CD1C: variants seen among roughly 807,000 people sequenced by gnomAD.
CD1C encodes the protein CD1c molecule.
CD1C carries 47 observed loss-of-function variants against 39.4 expected under a neutral mutation model. The ratio of observed to expected loss-of-function variants is 1.19; its 90% CI spans 0.94 to 1.52. CD1C has a LOEUF of 1.52. Ranked by LOEUF, CD1C falls within the 40% of genes most tolerant of loss-of-function variation. The pLI, the probability that CD1C is intolerant of heterozygous loss-of-function variation, is 0.00. For missense variants in CD1C, 417 were observed against 395.2 expected (o/e 1.06, Z -0.47); for synonymous variants, 165 against 150.8 (o/e 1.09, Z -0.69).
Position 158,294,246 on chromosome 1 carries a change from G to C in CD1C, c.*770G>C, listed in dbSNP as rs555856405. On this transcript the variant is annotated 3_prime_UTR_variant, in exon 6 of 6. Coordinates refer to ENST00000368170, the MANE Select transcript of CD1C (RefSeq NM_001765.3). Reference sequence around the variant, plus strand: ...TTGGAGTGGGATCAAGGCAACCGTTGTGCTGTATATGGAAGACAAATTTCC... The same window carrying C: ...TTGGAGTGGGATCAAGGCAACCGTTCTGCTGTATATGGAAGACAAATTTCC... Among the ~76,000 whole-genome samples the C allele has an allele frequency of 8.5e-5, 13 of 152,322 alleles. No individual in the cohort carries two copies. Among genetic ancestry groups the C allele is most frequent in the Non-Finnish European group, 1.5e-5 (1 of 68,036 alleles).
Position 158,293,298 on chromosome 1 carries a change from C to G in CD1C, c.976C>G (p.His326Asp). 1 of 1,613,062 alleles carries G rather than the reference C, an allele frequency of 6.2e-7. No individual in the cohort carries two copies. The highest frequency in any genetic ancestry group is 8.5e-7 in the Non-Finnish European group (1 of 1,179,184). Residue 326 changes from histidine (H) to aspartate (D), a missense_variant, in exon 5 of 6, where the codon CAC becomes GAC. Coordinates refer to ENST00000368170, the MANE Select transcript of CD1C (RefSeq NM_001765.3). ...LIVLVLWFKK[H>D]CSYQDIL is the part of the protein sequence containing the mutation. ...AGTCCTTGTGTTATGGTTTAAGAAG[C>G]ACTGGTGAGTTTTTTGTATTTCCTC... is the stretch of plus-strand genomic sequence containing the variant.
Position 158,292,314 on chromosome 1 carries a change from C to G in CD1C, c.559C>G (p.Arg187Gly), listed in dbSNP as rs139538152. The G allele has an allele frequency of 4.3e-6, 7 of 1,614,158 alleles. No individual in the cohort carries two copies. The highest frequency in any genetic ancestry group is 5.9e-6 in the Non-Finnish European group (7 of 1,180,020). Residue 187 changes from arginine (R) to glycine (G), a missense_variant, in exon 3 of 6, where the codon CGA becomes GGA. Coordinates refer to ENST00000368170, the MANE Select transcript of CD1C (RefSeq NM_001765.3). ...VYNLIRSTCP[R>G]FLLGLLDAGK... is the part of the protein sequence containing the mutation. ...TAATCTCATAAGAAGCACTTGCCCC[C>G]GATTTCTCTTGGGTCTCCTGGATGC... is the stretch of plus-strand genomic sequence containing the variant.
rs1192352033 is a variant in CD1C, at chr1:158,294,654, G to A, written c.*1178G>A. Among the ~76,000 whole-genome samples, 1 of 152,082 alleles carries A rather than the reference G, an allele frequency of 6.6e-6. No homozygotes were observed. Among genetic ancestry groups the A allele is most frequent in the Non-Finnish European group, 1.5e-5 (1 of 68,014 alleles). On this transcript the variant is annotated 3_prime_UTR_variant, in exon 6 of 6. Transcript: ENST00000368170. The stretch of plus-strand genomic sequence containing the variant: ...ATGTCATAACCCCTCATACCTGTTT[G>A]TAGTCAAGCACACCAACAACCTGGC...
At position 158,293,911 on chromosome 1, in the gene CD1C, C is replaced by G. The variant is rs1651144439; in HGVS notation, c.*435C>G. 6.6e-6 allele frequency among the ~76,000 whole-genome samples: 1 copy of G among 152,226 alleles called. No individual in the cohort carries two copies. Among genetic ancestry groups the G allele is most frequent in the Admixed American group, 6.5e-5 (1 of 15,280 alleles). On this transcript the variant is annotated 3_prime_UTR_variant, in exon 6 of 6. Transcript: ENST00000368170. ...AAACATCATATCTAAGTTGGATTAA[C>G]TGTCATGTTGACAATTTTTCTCATT... is the stretch of plus-strand genomic sequence containing the variant.
chr1:158,291,067 C>A (rs1651017125), intron 1 of CD1C, 67 bp from the exon 2 acceptor site: 5 of 1,495,638 alleles, frequency 3.3e-6, no homozygotes, highest in South Asian at 1.3e-5. Flanking sequence ...CTTCCATTTT[C>A]TCTCCATTTT....
chr1:158,292,936 A>G (rs1651103076), intron 4 of CD1C, 62 bp downstream of exon 4: 1 of 1,538,710 alleles, frequency 6.5e-7, no homozygotes, highest in South Asian at 1.2e-5. Context: ...AGGGGAGAGG[A>G]AATTTTGAGG....
rs1361699005 is a variant in CD1C at position 158,292,715 on chromosome 1, C to G, written c.730C>G (p.Gln244Glu). ...PVWVTWMRNE[Q>E]EQLGTKHGDI... ...TTGGGTGACATGGATGCGGAATGAA[C>G]AGGAGCAACTGGGCACTAAACATGG... is the stretch of plus-strand genomic sequence containing the variant. Residue 244 changes from glutamine (Q) to glutamate (E), a missense_variant, in exon 4 of 6, where the codon CAG (glutamine) becomes GAG (glutamate). Transcript: ENST00000368170. The G allele has an allele frequency of 6.2e-6, 10 of 1,614,190 alleles. No individual in the cohort carries two copies. Among genetic ancestry groups the G allele is most frequent in the Non-Finnish European group, 8.5e-6 (10 of 1,180,036 alleles).
In CD1C at chr1:158,293,587, G is replaced by A; in HGVS notation, c.*111G>A. On this transcript the variant is annotated 3_prime_UTR_variant, in exon 6 of 6. Transcript: ENST00000368170. ...CTCCATTTAAATTGTTTCTCTTTCT[G>A]CATAATAAACATTTGTTAATAAAAA... The A allele has an allele frequency of 6.2e-7, 1 of 1,612,316 alleles. No homozygotes were observed. Among genetic ancestry groups the A allele is most frequent in the Non-Finnish European group, 8.5e-7 (1 of 1,179,180 alleles).
In CD1C at chr1:158,294,131, CAGAG is replaced by C. The variant is rs1189969623; in HGVS notation, c.*658_*661del. On this transcript the variant is annotated 3_prime_UTR_variant, in exon 6 of 6. Coordinates refer to ENST00000368170, the MANE Select transcript of CD1C (RefSeq NM_001765.3). ...ACAGAGAATTACAAATGCAAATAGA[CAGAG>C]AGTGTGCAAGTTACATGTGATGATC... Among the ~76,000 whole-genome samples, 3 of 152,114 alleles carry C rather than the reference CAGAG, an allele frequency of 2.0e-5. No homozygotes were observed. The highest frequency in any genetic ancestry group is 4.4e-5 in the Non-Finnish European group (3 of 68,030).
Position 158,293,934 on chromosome 1 carries a change from A to G in CD1C, c.*458A>G, listed in dbSNP as rs1651145278. Among the ~76,000 whole-genome samples, 1 of 152,198 alleles carries G rather than the reference A, an allele frequency of 6.6e-6. No homozygotes were observed. The highest frequency in any genetic ancestry group is 6.5e-5 in the Admixed American group (1 of 15,280). ...AACTGTCATGTTGACAATTTTTCTC[A>G]TTATATTCCTTCCCAATGTTGTTGT... On this transcript the variant is annotated 3_prime_UTR_variant, in exon 6 of 6. Coordinates refer to ENST00000368170, the MANE Select transcript of CD1C (RefSeq NM_001765.3).
At chr1:158,292,414 C>T (rs764939458) in intron 3 of CD1C, 49 bp downstream of exon 3, 1 of 1,565,512 alleles carries the variant, frequency 6.4e-7, no homozygotes, top group East Asian at 2.2e-5. Context: ...TCAAGTACTG[C>T]CCCTTCTGTT....
In CD1C at chr1:158,292,656, T is replaced by C. The variant is rs777648298; in HGVS notation, c.671T>C (p.Val224Ala). The C allele has an allele frequency of 1.9e-6, 3 of 1,613,666 alleles. No homozygotes were observed. Among genetic ancestry groups the C allele is most frequent in the Non-Finnish European group, 8.5e-7 (1 of 1,179,994 alleles). ...CTTGGGTCTGGCCAGCTGTTGCTGG[T>C]TTGTCATGCCTCCGGCTTCTACCCA... ...PSLGSGQLLL[V>A]CHASGFYPKP... is the part of the protein sequence containing the mutation. The change falls in exon 4 of 6, where the codon GTT (valine) becomes GCT (alanine). Residue 224 changes from valine (V) to alanine (A), a missense_variant. Coordinates refer to ENST00000368170, the MANE Select transcript of CD1C (RefSeq NM_001765.3).
At position 158,294,073 on chromosome 1, in the gene CD1C, AGC is replaced by A. The variant is rs1651151672; in HGVS notation, c.*598_*599del. Among the ~76,000 whole-genome samples the A allele has an allele frequency of 6.6e-6, 1 of 152,228 alleles. No homozygotes were observed. The highest frequency in any genetic ancestry group is 6.5e-5 in the Admixed American group (1 of 15,284). On this transcript the variant is annotated 3_prime_UTR_variant, in exon 6 of 6. Coordinates refer to ENST00000368170, the MANE Select transcript of CD1C (RefSeq NM_001765.3). Reference sequence around the variant, plus strand: ...TCCTTAAACATTTAAGGAAAAGTGCAGCCTTGTGCCTTGATACACTTATTTTC... The same window carrying A: ...TCCTTAAACATTTAAGGAAAAGTGCACTTGTGCCTTGATACACTTATTTTC...
rs1557801422 is a variant in CD1C, at chr1:158,292,193, TACA to T, written c.442_444del (p.Thr148del). 6.2e-7 allele frequency: 1 copy of T among 1,614,212 alleles called. No individual in the cohort carries two copies. The highest frequency in any genetic ancestry group is 1.3e-5 in the African/African-American group (1 of 75,048). ...GATTAGATTTACTGAGTTTCCAGAA[TACA>T]ACATGGGTGCCATCTCCAGGCTGTG... On this transcript the variant is annotated inframe_deletion, in exon 3 of 6. Coordinates refer to ENST00000368170, the MANE Select transcript of CD1C (RefSeq NM_001765.3).
At chr1:158,292,570 C>G (rs1651082620) in intron 3 of CD1C, 26 bp from the exon 4 acceptor site, 1 of 1,605,066 alleles carries the variant, frequency 6.2e-7, no homozygotes, top group Non-Finnish European at 8.5e-7. Context: ...GTTTCTTCAT[C>G]AGAACACTTT....
rs2101663303 is a variant in CD1C, at chr1:158,294,062, AGGAAAAGTG to A, written c.*587_*595del. 6.6e-6 allele frequency among the ~76,000 whole-genome samples: 1 copy of A among 152,212 alleles called. No homozygotes were observed. Among genetic ancestry groups the A allele is most frequent in the Admixed American group, 6.5e-5 (1 of 15,278 alleles). On this transcript the variant is annotated 3_prime_UTR_variant, in exon 6 of 6. Coordinates refer to ENST00000368170, the MANE Select transcript of CD1C (RefSeq NM_001765.3). ...CCCTCATTTTCTCCTTAAACATTTAAGGAAAAGTGCAGCCTTGTGCCTTGATACACTTAT... is the reference window on the plus strand; with the variant it reads ...CCCTCATTTTCTCCTTAAACATTTAACAGCCTTGTGCCTTGATACACTTAT...
Position 158,292,693 on chromosome 1 carries a change from G to A in CD1C, c.708G>A (p.Trp236Ter), listed in dbSNP as rs754584129. ...CCGGCTTCTACCCAAAGCCTGTTTG[G>A]GTGACATGGATGCGGAATGAACAGG... ...HASGFYPKPVWVTWMRNEQEQ... is the reference protein window; with the variant it reads ...HASGFYPKPV The change falls in exon 4 of 6, where the codon TGG becomes TGA. Residue 236 changes from tryptophan to a stop codon, truncating the protein, a stop_gained. Transcript: ENST00000368170. LOFTEE classifies it high-confidence loss of function. 5.6e-6 allele frequency: 9 copies of A among 1,614,114 alleles called. No individual in the cohort carries two copies. The highest frequency in any genetic ancestry group is 7.6e-6 in the Non-Finnish European group (9 of 1,180,050).
rs3138105 is a variant in CD1C, at chr1:158,293,221, T to C, written c.899T>C (p.Phe300Ser). 2.7e-3 allele frequency: 4,312 copies of C among 1,613,520 alleles called. 250 individuals carry two copies. The East Asian group carries it at 0.078, about 29-fold the overall frequency. Residue 300 changes from phenylalanine (F) to serine (S), a missense_variant, in exon 5 of 6, where the codon TTT becomes TCT. Transcript: ENST00000368170. ...QDIILYWGHHFSMNWIALVVI... is the reference protein window; with the variant it reads ...QDIILYWGHHSSMNWIALVVI... ...TTTCCAATATGTGCAGGACACCACT[T>C]TTCCATGAATTGGATTGCCTTGGTA... is the stretch of plus-strand genomic sequence containing the variant.
In CD1C at chr1:158,293,692, T is replaced by C; in HGVS notation, c.*216T>C. On this transcript the variant is annotated 3_prime_UTR_variant, in exon 6 of 6. Transcript: ENST00000368170. Reference sequence around the variant, plus strand: ...CAACCTTCAAAGCCCATTTCTGATGTCATTTCCTCCAACGATCTTCCTTGA... The same window carrying C: ...CAACCTTCAAAGCCCATTTCTGATGCCATTTCCTCCAACGATCTTCCTTGA... 8.8e-7 allele frequency: 1 copy of C among 1,133,462 alleles called. No individual in the cohort carries two copies. Among genetic ancestry groups the C allele is most frequent in the Non-Finnish European group, 1.3e-6 (1 of 785,846 alleles). 70.2% of individuals were successfully genotyped at this position (1,133,462 alleles called of 1,614,324 possible).
Sources: allele counts gnomAD v4.1 joint callset (sites outside exome capture counted in the v4.1 genomes callset), GRCh38; gene constraint gnomAD v4.1.1; transcripts MANE v1.5; gene names NCBI Gene and HGNC (gene_info 2026-07-23, HGNC 2026-07-21).